Variants in AGBL1 observed in about 807,000 individuals in gnomAD.
AGBL1 encodes the protein AGBL carboxypeptidase 1, also known as cytosolic carboxypeptidase 4.
AGBL1 carries 130 observed loss-of-function variants against 118.9 expected under a neutral mutation model. That is an observed-to-expected ratio of 1.09 (90% CI 0.95 to 1.26). The LOEUF is 1.26. Among genes scored for constraint, AGBL1 ranks in the 50% most tolerant of loss-of-function variants. The probability of loss-of-function intolerance (pLI) is 0.00; values close to 1 mark genes in which losing one functional copy is unlikely to be tolerated. For missense variants in AGBL1, 1,584 were observed against 1,298.1 expected, an observed-to-expected ratio of 1.22 and a Z score of -3.38; for synonymous variants, 555 against 478.9, an observed-to-expected ratio of 1.16 and a Z score of -2.08.
chr15:86,465,672 C>T (rs543839277), intron 18 of AGBL1, among the ~76,000 whole-genome samples: 2 of 152,302 alleles, frequency 1.3e-5, no homozygotes, highest in South Asian at 4.1e-4. Context: ...ATGCCCTGGT[C>T]TCCTGCACAC....
At chr15:86,474,969 G>T (rs1413436962) in intron 18 of AGBL1, among the ~76,000 whole-genome samples, 1 of 152,224 alleles carries the variant, frequency 6.6e-6, no homozygotes, top group African/African-American at 2.4e-5. Context: ...AAAAGGGTCT[G>T]GAGTGGACCT....
chr15:86,761,381 A>G (rs1389318903), intron 22 of AGBL1, among the ~76,000 whole-genome samples: 1 of 152,102 alleles, frequency 6.6e-6, no homozygotes, highest in African/African-American at 2.4e-5. Flanking sequence ...TTCTGAATTC[A>G]TGCAGCTGAG....
intron 22 of AGBL1, among the ~76,000 whole-genome samples, chr15:86,878,864 T>A (rs541162883): frequency 6.6e-6 from 1 of 152,230 alleles, no homozygotes; most frequent in Non-Finnish European, 1.5e-5. Context: ...CCTCTCTGTT[T>A]GGAGCTCTCA....
chr15:86,129,678 C>G (rs2076793833), intron 1 of AGBL1, among the ~76,000 whole-genome samples: 3 of 152,020 alleles, frequency 2.0e-5, no homozygotes, highest in Admixed American at 6.6e-5. Flanking sequence ...GGGTAGAGAC[C>G]AGGAATACTG....
chr15:86,638,036 A>G (rs2085126220), intron 21 of AGBL1, among the ~76,000 whole-genome samples: 1 of 152,150 alleles, frequency 6.6e-6, no homozygotes, highest in South Asian at 2.1e-4. Context: ...CAGAGGAAGA[A>G]CAGGAAAAAA....
Position 86,843,011 on chromosome 15 carries a change from C to T in AGBL1, c.3159-64076C>T, listed in dbSNP as rs60518398. Among the ~76,000 whole-genome samples the T allele has an allele frequency of 8.3e-3, 1,261 of 152,262 alleles. 24 individuals are homozygous for T. The highest frequency in any genetic ancestry group is 0.029 in the African/African-American group (1,192 of 41,540). ...GGTGGGGTTTTAGGGCTCCTTCAAA[C>T]AGGTCAGATATCATACTTTGGGACA... On this transcript the variant is annotated intron_variant, in intron 22 of 22. Transcript: ENST00000614907.
At chr15:86,804,571 G>C (rs535904749) in intron 22 of AGBL1, among the ~76,000 whole-genome samples, 1 of 152,126 alleles carries the variant, frequency 6.6e-6, no homozygotes, top group Non-Finnish European at 1.5e-5. Context: ...TGAATGCTAC[G>C]CATGTGTCTT....
rs68185029 is a variant in AGBL1, at chr15:86,849,517, C to CTT, written c.3159-57556_3159-57555dup. Among the ~76,000 whole-genome samples the CTT allele has an allele frequency of 2.7e-3, 367 of 136,766 alleles. 3 individuals are homozygous for CTT. The highest frequency in any genetic ancestry group is 0.015 in the East Asian group (71 of 4,814). The allele number at this position is 136,766 out of a possible 152,430, so 89.7% of individuals were successfully genotyped here. On this transcript the variant is annotated intron_variant, in intron 22 of 22. Coordinates refer to ENST00000614907, the MANE Select transcript of AGBL1 (RefSeq NM_001386094.1). ...AGGTGATGGCTTTCTTTCTTTCTTT[C>CTT]TTTTTTTTTTTTTTTGGCTGATCTT...
intron 22 of AGBL1, among the ~76,000 whole-genome samples, chr15:86,863,804 G>A (rs1259959586): frequency 6.6e-6 from 1 of 152,180 alleles, no homozygotes; most frequent in African/African-American, 2.4e-5. Flanking sequence ...GGGTTCTGAA[G>A]TCAGATGGAC....
At chr15:86,223,949 G>A (rs573006085) in intron 5 of AGBL1, among the ~76,000 whole-genome samples, 5 of 152,162 alleles carry the variant, frequency 3.3e-5, no homozygotes, top group South Asian at 4.1e-4. Context: ...AACAACAGAT[G>A]GGGAGGAAGC....
chr15:86,114,427 T>C, intron 1 of AGBL1, among the ~76,000 whole-genome samples: 1 of 152,176 alleles, frequency 6.6e-6, no homozygotes, highest in Non-Finnish European at 1.5e-5. Context: ...GCAGAAGACA[T>C]TCTCTGTTGC....
At chr15:86,312,603 C>T (rs2079937391) in intron 17 of AGBL1, among the ~76,000 whole-genome samples, 1 of 152,156 alleles carries the variant, frequency 6.6e-6, no homozygotes, top group African/African-American at 2.4e-5. Context: ...TTGGTGTTAC[C>T]CCAGTGTCCT....
intron 22 of AGBL1, among the ~76,000 whole-genome samples, chr15:86,767,279 CATGTGTTCATGGCACCAGGGACAG>C (rs1312687851): frequency 6.6e-6 from 1 of 151,904 alleles, no homozygotes; most frequent in African/African-American, 2.4e-5. Context: ...GCATTCTGAT[CATGTGTTCATGGCACCAGGGACAG>C]AGACGAATGG....
chr15:86,592,181 T>G (rs1362929119), intron 21 of AGBL1, among the ~76,000 whole-genome samples: 1 of 152,208 alleles, frequency 6.6e-6, no homozygotes, highest in Admixed American at 6.5e-5. Flanking sequence ...CCCATTGTAA[T>G]GAGTCATTTT....
intron 23 of AGBL1, among the ~76,000 whole-genome samples, chr15:86,980,218 A>G (rs886969351): frequency 1.3e-5 from 2 of 152,192 alleles, no homozygotes; most frequent in Non-Finnish European, 2.9e-5. Flanking sequence ...ATATTCTCTG[A>G]ATAATTGGTT....
intron 16 of AGBL1, among the ~76,000 whole-genome samples, chr15:86,287,972 A>G (rs2079481092): frequency 6.6e-6 from 1 of 152,120 alleles, no homozygotes; most frequent in African/African-American, 2.4e-5. Flanking sequence ...AAATATTTTC[A>G]TTTTCTTTAA....
intron 1 of AGBL1, among the ~76,000 whole-genome samples, chr15:86,125,803 A>T (rs1326970417): frequency 6.6e-6 from 1 of 152,206 alleles, no homozygotes; most frequent in Admixed American, 6.5e-5. Context: ...ATTCAACATA[A>T]AGTGGAATTC....
At chr15:86,427,665 C>T (rs372749051) in intron 18 of AGBL1, among the ~76,000 whole-genome samples, 2 of 151,832 alleles carry the variant, frequency 1.3e-5, no homozygotes, top group East Asian at 1.9e-4. Context: ...ATTTGGTTTT[C>T]CAGTGTAATT....
intron 21 of AGBL1, among the ~76,000 whole-genome samples, chr15:86,581,040 A>G (rs2084165535): frequency 6.6e-6 from 1 of 152,178 alleles, no homozygotes; most frequent in Admixed American, 6.5e-5. Flanking sequence ...ACTCACTCCA[A>G]TACTTTGAAT....
Sources: gnomAD v4.1 joint callset for allele counts (sites outside exome capture counted in the v4.1 genomes callset) on GRCh38, gnomAD v4.1.1 for gene constraint, MANE v1.5 for transcripts, NCBI Gene and HGNC (gene_info 2026-07-23, HGNC 2026-07-21) for gene names.